The following ESRRB variants were observed in gnomAD, a reference collection of about 807,000 sequenced individuals.
The protein encoded by ESRRB is estrogen related receptor beta, also known as steroid hormone receptor ERR2.
ESRRB carries 16 observed loss-of-function variants against 46.0 expected under a neutral mutation model. That is an observed-to-expected ratio of 0.35 (90% CI 0.24 to 0.53). The LOEUF (loss-of-function observed/expected upper bound fraction) is 0.53. Ranked by LOEUF, ESRRB falls within the 20% of genes least tolerant of loss-of-function variation. ESRRB has a pLI of 0.93. For synonymous variants in ESRRB, 246 were observed against 259.6 expected (o/e 0.95, Z 0.50); for missense variants, 488 against 607.4 (o/e 0.80, Z 2.07).
In ESRRB at chr14:76,435,622, G is replaced by A. The variant is rs557159164; in HGVS notation, c.51-3719G>A. ...AGGCAGGCGGATCACCTGAAGTCAG[G>A]AGTTCGAGACCAGCCTGGCCAACAG... On this transcript the variant is annotated intron_variant, in intron 1 of 6. Transcript: ENST00000644823. 2.0e-5 allele frequency among the ~76,000 whole-genome samples: 3 copies of A among 152,332 alleles called. No individual in the cohort carries two copies. The South Asian group carries it at 6.2e-4, about 32-fold the overall frequency.
At chr14:76,334,843 G>T (rs1005427607) in intron 1 of ESRRB, among the ~76,000 whole-genome samples, 1 of 152,200 alleles carries the variant, frequency 6.6e-6, no homozygotes, top group Non-Finnish European at 1.5e-5. Context: ...TAGAAACTGG[G>T]GATACCAGAG....
chr14:76,443,585 C>T (rs1166745800), intron 2 of ESRRB, among the ~76,000 whole-genome samples: 3 of 152,110 alleles, frequency 2.0e-5, no homozygotes, highest in African/African-American at 7.2e-5. Context: ...GAGAGGTTGC[C>T]ATTATTTTAG....
chr14:76,359,755 C>T (rs1045214535), intron 1 of ESRRB, among the ~76,000 whole-genome samples: 8 of 151,880 alleles, frequency 5.3e-5, no homozygotes, highest in African/African-American at 1.9e-4. Context: ...AGGGTTCGTG[C>T]AGGAGGCAGT....
chr14:76,400,306 A>T (rs947210088), intron 1 of ESRRB, among the ~76,000 whole-genome samples: 1 of 152,194 alleles, frequency 6.6e-6, no homozygotes, highest in Non-Finnish European at 1.5e-5. Flanking sequence ...AGAAAATAGC[A>T]AGCTGAGAAC....
chr14:76,419,189 A>T (rs1381943358), intron 1 of ESRRB, among the ~76,000 whole-genome samples: 4 of 151,230 alleles, frequency 2.6e-5, no homozygotes, highest in African/African-American at 9.7e-5. Flanking sequence ...TAATTTTTAC[A>T]TTTTTAGTAG....
Position 76,500,593 on chromosome 14 carries a change from G to T in ESRRB, c.*2135G>T, listed in dbSNP as rs946092027. 2.6e-6 allele frequency: 3 copies of T among 1,172,782 alleles called. No homozygotes were observed. Among genetic ancestry groups the T allele is most frequent in the Non-Finnish European group, 3.8e-6 (3 of 782,822 alleles). The allele number at this position is 1,172,782 out of a possible 1,614,324, so 72.6% of individuals were successfully genotyped here. A position where few individuals can be genotyped will look rare whatever the true frequency, so the allele number is the denominator to read the frequency against. ...TCTCACTGTGCTGTGTCCTTGCAGC[G>T]GGGCCGAGGTAGCACCCTGCTCTGT... On this transcript the variant is annotated 3_prime_UTR_variant, in exon 7 of 7. Coordinates refer to ENST00000644823, the MANE Select transcript of ESRRB (RefSeq NM_001379180.1).
In ESRRB at chr14:76,463,445, G is replaced by GTTTTGTTTTTTTTTTTTTTTTT. The variant is rs1555342250; in HGVS notation, c.577+788_577+789insGTTTTTTTTTTTTTTTTTTTTT. 1.1e-4 allele frequency: 13 copies of GTTTTGTTTTTTTTTTTTTTTTT among 114,738 alleles called. 1 individual carries two copies. Among genetic ancestry groups the GTTTTGTTTTTTTTTTTTTTTTT allele is most frequent in the African/African-American group, 4.8e-4 (13 of 27,272 alleles). 7.1% of individuals were successfully genotyped at this position (114,738 alleles called of 1,614,324 possible). A position where few individuals can be genotyped will look rare whatever the true frequency, so the allele number is the denominator to read the frequency against. On this transcript the variant is annotated intron_variant, in intron 3 of 6. Transcript: ENST00000644823. ...TGAAATTAGCATCACATGCTTCTTT[G>GTTTTGTTTTTTTTTTTTTTTTT]TTTTTTTTTTTTTTTTTTGGAGACG...
chr14:76,399,909 T>TA (rs1209288011), intron 1 of ESRRB, among the ~76,000 whole-genome samples: 2 of 152,034 alleles, frequency 1.3e-5, no homozygotes, highest in African/African-American at 4.8e-5. Context: ...GGAGGTCATA[T>TA]AGGTGTCCAG....
intron 1 of ESRRB, among the ~76,000 whole-genome samples, chr14:76,328,597 C>T (rs1289028646): frequency 6.6e-6 from 1 of 150,586 alleles, no homozygotes; most frequent in Non-Finnish European, 1.5e-5. Context: ...CTTGTCCTTC[C>T]ACTGCCCTTG....
In ESRRB at chr14:76,312,405, C is replaced by A. The variant is rs77552299; in HGVS notation, c.2+1489C>A. Among the ~76,000 whole-genome samples the A allele has an allele frequency of 4.4e-3, 669 of 152,066 alleles. 4 individuals carry two copies. Among genetic ancestry groups the A allele is most frequent in the African/African-American group, 0.015 (641 of 41,452 alleles). The stretch of plus-strand genomic sequence containing the variant: ...GTATTTTGTTTAGGGTTATTAATAT[C>A]TTTAATCCATTCATTCATTATTTTG... On this transcript the variant is annotated intron_variant, in intron 1 of 6. Coordinates refer to the ESRRB transcript ENST00000512784.
intron 1 of ESRRB, among the ~76,000 whole-genome samples, chr14:76,410,335 C>T (rs978307968): frequency 2.0e-5 from 3 of 152,182 alleles, no homozygotes; most frequent in Non-Finnish European, 2.9e-5. Flanking sequence ...AATACATTCA[C>T]ATGTGTAACA....
In ESRRB at chr14:76,498,293, G is replaced by A. The variant is rs921080294; in HGVS notation, c.1200G>A (p.Leu400=). Residue 400 remains leucine (L), a synonymous_variant, in exon 7 of 7, where the codon CTG becomes CTA. Transcript: ENST00000644823. ...LLHEALQDYE[L]SQRHEEPWRT... The stretch of plus-strand genomic sequence containing the variant: ...ACGAGGCACTGCAGGACTACGAGCT[G>A]AGCCAGCGCCATGAGGAGCCCTGGA... 1.1e-5 allele frequency: 18 copies of A among 1,613,588 alleles called. No homozygotes were observed. Among genetic ancestry groups the A allele is most frequent in the Non-Finnish European group, 1.4e-5 (17 of 1,179,992 alleles).
chr14:76,335,691 G>T (rs1185611783), intron 1 of ESRRB, among the ~76,000 whole-genome samples: 12 of 152,154 alleles, frequency 7.9e-5, no homozygotes, highest in Admixed American at 7.9e-4. Flanking sequence ...CGAATTCTCT[G>T]ACTATGCCAT....
intron 6 of ESRRB, 52 bp from the exon 7 acceptor site, chr14:76,498,162 C>G: frequency 6.2e-7 from 1 of 1,611,576 alleles, no homozygotes; most frequent in East Asian, 2.2e-5. Flanking sequence ...GGCCCCCACA[C>G]CAGGCAGCAC....
At chr14:76,423,860 A>AGGCCAGTGT (rs1248750577) in intron 1 of ESRRB, among the ~76,000 whole-genome samples, 1 of 132,060 alleles carries the variant, frequency 7.6e-6, no homozygotes, top group Non-Finnish European at 1.6e-5. Context: ...ACCAGCCAGG[A>AGGCCAGTGT]GGCCAGTGTG....
At chr14:76,484,307 CCTGGGCATT>C (rs1472096857) in intron 5 of ESRRB, among the ~76,000 whole-genome samples, 1 of 152,198 alleles carries the variant, frequency 6.6e-6, no homozygotes, top group African/African-American at 2.4e-5. Context: ...CCTGGTGGCC[CCTGGGCATT>C]CTGACCAGGG....
intron 1 of ESRRB, among the ~76,000 whole-genome samples, chr14:76,408,096 G>A (rs553998806): frequency 1.9e-4 from 29 of 152,276 alleles, no homozygotes; most frequent in Admixed American, 1.5e-3. Context: ...GTCAACAGGC[G>A]GGTTTGAGAG....
chr14:76,336,889 G>T, intron 1 of ESRRB, among the ~76,000 whole-genome samples: 1 of 152,170 alleles, frequency 6.6e-6, no homozygotes. Flanking sequence ...AGCCAAGATC[G>T]TGAACACATT....
intron 2 of ESRRB, among the ~76,000 whole-genome samples, chr14:76,450,849 A>G (rs1211951338): frequency 1.3e-5 from 2 of 152,222 alleles, no homozygotes; most frequent in Non-Finnish European, 2.9e-5. Context: ...GACCTTGGGC[A>G]AGCAAGGACT....
Sources: gnomAD v4.1 joint callset for allele counts (sites outside exome capture counted in the v4.1 genomes callset) on GRCh38, gnomAD v4.1.1 for gene constraint, MANE v1.5 for transcripts, NCBI Gene and HGNC (gene_info 2026-07-23, HGNC 2026-07-21) for gene names.